The following DIP2C variants were observed in gnomAD, a reference collection of about 807,000 sequenced individuals.
DIP2C encodes DIP2 acetate--CoA ligase C (putative).
A neutral mutation model predicts 192.4 loss-of-function variants in DIP2C; 33 were observed. That is an observed-to-expected ratio of 0.17 (90% CI 0.13 to 0.23). The LOEUF is 0.23. Among genes scored for constraint, DIP2C ranks in the 10% least tolerant of loss-of-function variants. DIP2C has a pLI of 1.00. For missense variants in DIP2C, 1,537 were observed against 2,110.1 expected (o/e 0.73, Z 5.32); for synonymous variants, 979 against 864.1 (o/e 1.13, Z -2.33).
chr10:651,107 C>A lies in DIP2C; in HGVS notation c.85+38387G>T, dbSNP rs1439623482. The A allele has an allele frequency of 2.8e-6, 2 of 717,566 alleles. No individual in the cohort carries two copies. The highest frequency in any genetic ancestry group is 3.0e-5 in the South Asian group (2 of 67,608). The allele number at this position is 717,566 out of a possible 1,614,324, so 44.4% of individuals were successfully genotyped here. On this transcript the variant is annotated intron_variant, in intron 1 of 36. Coordinates refer to ENST00000280886, the MANE Select transcript of DIP2C (RefSeq NM_014974.3). This position sits in a 1 kb window ranked among gnomAD's most constrained non-coding sequence, Gnocchi z 4.1. ...CCACACCTCCCAAACTCTCTCCTGGCCAGCTCTCGCCACACTCAGTCAATG... is the reference window on the plus strand; with the variant it reads ...CCACACCTCCCAAACTCTCTCCTGGACAGCTCTCGCCACACTCAGTCAATG...
chr10:384,019 T>C lies in DIP2C; in HGVS notation c.1876+8A>G, dbSNP rs779812061. 1 of 1,542,530 alleles carries C rather than the reference T, an allele frequency of 6.5e-7. No homozygotes were observed. Among genetic ancestry groups the C allele is most frequent in the African/African-American group, 1.4e-5 (1 of 69,516 alleles). ...CCTGCCTCACGAGATCACACGCTCC[T>C]CACTTACAGGGGTTCGCGCCGTCCG... On this transcript the variant is annotated splice_region_variant and intron_variant, in intron 16 of 36. Coordinates refer to ENST00000280886, the MANE Select transcript of DIP2C (RefSeq NM_014974.3).
rs138535046 is a variant in DIP2C at position 423,455 on chromosome 10, T to C, written c.395-422A>G. 5.4e-4 allele frequency among the ~76,000 whole-genome samples: 83 copies of C among 152,348 alleles called. 1 individual carries two copies. The East Asian group carries it at 0.014, about 25-fold the overall frequency. On this transcript the variant is annotated intron_variant, in intron 4 of 36. Coordinates refer to ENST00000280886, the MANE Select transcript of DIP2C (RefSeq NM_014974.3). ...TTTAGCCCTTGTTAGTCCTGAGATG[T>C]TCTTGTGGGCTCTGATTTTTCTACT... is the stretch of plus-strand genomic sequence containing the variant.
At chr10:366,238 A>C (rs371372636) in intron 19 of DIP2C, 37 bp downstream of exon 19, 1 of 1,606,686 alleles carries the variant, frequency 6.2e-7, no homozygotes, top group African/African-American at 1.3e-5. Context: ...AGACGGAGCC[A>C]CAGATGGTGC....
At chr10:300,536 T>C (rs1057300479) in intron 32 of DIP2C, among the ~76,000 whole-genome samples, 2 of 151,946 alleles carry the variant, frequency 1.3e-5, no homozygotes, top group Non-Finnish European at 2.9e-5. Flanking sequence ...ATTAAGTGCG[T>C]GGAGAAACCA....
chr10:519,158 A>C (rs1001429974), intron 1 of DIP2C, among the ~76,000 whole-genome samples: 3 of 152,194 alleles, frequency 2.0e-5, no homozygotes, highest in African/African-American at 7.2e-5. Context: ...CAGGTAACCC[A>C]GGCCTAAGCC....
chr10:351,814 G>A (rs74500813), intron 24 of DIP2C, among the ~76,000 whole-genome samples: 2,337 of 152,208 alleles, frequency 0.015, 27 homozygotes, highest in Middle Eastern at 0.034. Context: ...CCAGCCCACC[G>A]GCTCCTTGCC....
rs868781976 is a variant in DIP2C at position 338,465 on chromosome 10, T to C, written c.3584+2734A>G. On this transcript the variant is annotated intron_variant, in intron 29 of 36. Transcript: ENST00000280886. ...CCCACCTTCTATACCATCTTTTTAC[T>C]GTACCTTTTCTGTGTTTAAATATGT... 7.2e-5 allele frequency among the ~76,000 whole-genome samples: 11 copies of C among 151,954 alleles called. 1 individual carries two copies. The Middle Eastern group carries it at 0.017, about 235-fold the overall frequency.
At chr10:585,343 C>T (rs1300312203) in intron 1 of DIP2C, among the ~76,000 whole-genome samples, 1 of 152,216 alleles carries the variant, frequency 6.6e-6, no homozygotes, top group Non-Finnish European at 1.5e-5. Context: ...TCTCCATTCC[C>T]TACTGAATTC....
At position 609,081 on chromosome 10, in the gene DIP2C, G is replaced by C. The variant is rs186559415; in HGVS notation, c.85+80413C>G. On this transcript the variant is annotated intron_variant, in intron 1 of 36. Coordinates refer to ENST00000280886, the MANE Select transcript of DIP2C (RefSeq NM_014974.3). ...ACAAAAGGAGTATCACAAAAGCAAA[G>C]GGTAAGACCACGTTTGGTTTTTATG... Among the ~76,000 whole-genome samples the C allele has an allele frequency of 1.4e-3, 208 of 151,910 alleles. 4 individuals are homozygous for C. Among genetic ancestry groups the C allele is most frequent in the African/African-American group, 4.7e-3 (195 of 41,404 alleles).
intron 14 of DIP2C, among the ~76,000 whole-genome samples, chr10:386,854 G>T (rs1031389550): frequency 6.6e-6 from 1 of 152,166 alleles, no homozygotes; most frequent in African/African-American, 2.4e-5. Context: ...CAGATGGGGG[G>T]AGCGTCTAAG....
intron 1 of DIP2C, among the ~76,000 whole-genome samples, chr10:659,525 C>T (rs1446979682): frequency 6.6e-6 from 1 of 152,228 alleles, no homozygotes; most frequent in African/African-American, 2.4e-5. Context: ...AGGTCTCACA[C>T]ACAGCACACA....
At chr10:619,518 G>GCCAGGA (rs1232537243) in intron 1 of DIP2C, among the ~76,000 whole-genome samples, 1 of 104,310 alleles carries the variant, frequency 9.6e-6, no homozygotes, top group African/African-American at 7.1e-5. Flanking sequence ...TTATGCCAGG[G>GCCAGGA]CCAGGACCAA....
intron 1 of DIP2C, among the ~76,000 whole-genome samples, chr10:491,783 A>AT (rs1428322833): frequency 6.6e-6 from 1 of 152,246 alleles, no homozygotes; most frequent in African/African-American, 2.4e-5. Flanking sequence ...TTCAGTATCT[A>AT]TTTCACATTC....
In DIP2C at chr10:391,035, TCA is replaced by T. The variant is rs1963418649; in HGVS notation, c.1261-174_1261-173del. ...CCTGAACAGGTGAGACTGCATGGCC[TCA>T]GTGTCCTCACGTGTAAAACAGGTAT... On this transcript the variant is annotated intron_variant, in intron 10 of 36. Coordinates refer to ENST00000280886, the MANE Select transcript of DIP2C (RefSeq NM_014974.3). Among the ~76,000 whole-genome samples the T allele has an allele frequency of 2.6e-5, 4 of 152,110 alleles. No individual in the cohort carries two copies. In the East Asian group the frequency reaches 7.7e-4, roughly 29 times the overall value.
rs1452075695 is a variant in DIP2C at position 513,820 on chromosome 10, C to T, written c.86-27290G>A. ...CTCATTAAGTAAAAACCTAATCGAA[C>T]CTCTCAAGAAATACAAAGTTTATAC... On this transcript the variant is annotated intron_variant, in intron 1 of 36. Transcript: ENST00000280886. Among the ~76,000 whole-genome samples the T allele has an allele frequency of 3.9e-5, 6 of 152,252 alleles. No homozygotes were observed. The South Asian group carries it at 1.2e-3, about 32-fold the overall frequency.
At chr10:515,934 G>A (rs1421977527) in intron 1 of DIP2C, among the ~76,000 whole-genome samples, 2 of 152,010 alleles carry the variant, frequency 1.3e-5, no homozygotes, top group African/African-American at 4.8e-5. Flanking sequence ...AAGATTAACA[G>A]GCCACACACG....
At chr10:578,639 G>A (rs975861844) in intron 1 of DIP2C, among the ~76,000 whole-genome samples, 3 of 152,188 alleles carry the variant, frequency 2.0e-5, no homozygotes, top group Admixed American at 6.5e-5. Context: ...CTAACGAGAT[G>A]GTGTGTTCCG....
chr10:576,926 A>G (rs1321023984), intron 1 of DIP2C, among the ~76,000 whole-genome samples: 1 of 152,196 alleles, frequency 6.6e-6, no homozygotes, highest in Non-Finnish European at 1.5e-5. Flanking sequence ...TAATAAAAAA[A>G]AAAATAAGAG....
intron 1 of DIP2C, among the ~76,000 whole-genome samples, chr10:605,848 A>G (rs891320525): frequency 6.6e-6 from 1 of 152,224 alleles, no homozygotes; most frequent in Middle Eastern, 3.2e-3. Context: ...CCAAACAGAC[A>G]AAAACCAAAG....
Sources: allele counts gnomAD v4.1 joint callset (sites outside exome capture counted in the v4.1 genomes callset), GRCh38; gene constraint gnomAD v4.1.1; non-coding constraint Gnocchi (gnomAD v3.1); transcripts MANE v1.5; gene names NCBI Gene and HGNC (gene_info 2026-07-23, HGNC 2026-07-21).